SYTL3: variants seen among roughly 807,000 people sequenced by gnomAD.
SYTL3 encodes synaptotagmin like 3, also known as synaptotagmin-like protein 3.
SYTL3 carries 88 observed loss-of-function variants against 82.1 expected under a neutral mutation model. That is an observed-to-expected ratio of 1.07 (90% CI 0.90 to 1.28). The LOEUF (loss-of-function observed/expected upper bound fraction) is 1.28. Among genes scored for constraint, SYTL3 ranks in the 50% most tolerant of loss-of-function variants. SYTL3 has a pLI of 0.00. For synonymous variants in SYTL3, 311 were observed against 289.4 expected (o/e 1.07, Z -0.76); for missense variants, 831 against 757.6 (o/e 1.10, Z -1.14).
At chr6:158,728,558 T>C (rs1316489340) in intron 11 of SYTL3, among the ~76,000 whole-genome samples, 1 of 152,258 alleles carries the variant, frequency 6.6e-6, no homozygotes, top group Non-Finnish European at 1.5e-5. Context: ...ATTTGGTTCT[T>C]CTTTTTCAAG....
At chr6:158,716,484 T>A (rs1327302443) in intron 9 of SYTL3, among the ~76,000 whole-genome samples, 2 of 152,134 alleles carry the variant, frequency 1.3e-5, no homozygotes, top group East Asian at 1.9e-4. Flanking sequence ...CTTTACTTTG[T>A]CCACTTTGAG....
At chr6:158,705,214 CT>C (rs1198508360) in intron 6 of SYTL3, among the ~76,000 whole-genome samples, 3 of 27,040 alleles carry the variant, frequency 1.1e-4, no homozygotes, top group African/African-American at 4.9e-4. Context: ...CAGGAGGGAC[CT>C]GGGGACAGGG....
Position 158,764,551 on chromosome 6 carries a change from A to G in SYTL3, c.1780A>G (p.Lys594Glu), listed in dbSNP as rs1790544148. 3 of 1,614,140 alleles carry G rather than the reference A, an allele frequency of 1.9e-6. No individual in the cohort carries two copies. Among genetic ancestry groups the G allele is most frequent in the South Asian group, 1.1e-5 (1 of 91,076 alleles). Residue 594 changes from lysine to glutamate, a missense_variant, in exon 18 of 18, where the codon AAA (lysine) becomes GAA (glutamate). By Grantham distance (56) the Lys-to-Glu change is moderately conservative (BLOSUM62 1). Coordinates refer to ENST00000611299, the MANE Select transcript of SYTL3 (RefSeq NM_001242394.2). ...CTCACTATCGAAGCTCCAGTGGCAG[A>G]AAGTCCTTTCCAGCCCCAATCTATG... ...ACSLSKLQWQ[K>E]VLSSPNLWTD...
At chr6:158,763,827 C>A (rs1790346161) in intron 17 of SYTL3, among the ~76,000 whole-genome samples, 1 of 152,214 alleles carries the variant, frequency 6.6e-6, no homozygotes, top group Non-Finnish European at 1.5e-5. Flanking sequence ...AAAATATCTT[C>A]TTAAACAAAT....
At chr6:158,730,029 AT>A (rs2128488240) in intron 11 of SYTL3, among the ~76,000 whole-genome samples, 1 of 152,322 alleles carries the variant, frequency 6.6e-6, no homozygotes, top group East Asian at 1.9e-4. Context: ...GAATAAGTAC[AT>A]TCTGTGTCCT....
At chr6:158,753,550 G>A (rs943319757) in intron 13 of SYTL3, among the ~76,000 whole-genome samples, 1 of 147,962 alleles carries the variant, frequency 6.8e-6, no homozygotes, top group Non-Finnish European at 1.5e-5. Context: ...CTAACATGGT[G>A]AAACCCCGTC....
At position 158,693,844 on chromosome 6, in the gene SYTL3, C is replaced by CTTTTACTTTTT. The variant is rs763990639; in HGVS notation, c.394+10859_394+10860insACTTTTTTTTT. ...AGGTGTGCCACTGCATCCAGCCTTTCTTTTTCTTTTCTTTTTTTTTTTTTT... is the reference window on the plus strand; with the variant it reads ...AGGTGTGCCACTGCATCCAGCCTTTCTTTTACTTTTTTTTTTCTTTTCTTTTTTTTTTTTTT... On this transcript the variant is annotated intron_variant, in intron 6 of 17. Transcript: ENST00000611299. Among the ~76,000 whole-genome samples the CTTTTACTTTTT allele has an allele frequency of 4.7e-3, 262 of 55,550 alleles. 9 individuals carry two copies. The highest frequency in any genetic ancestry group is 9.2e-3 in the South Asian group (16 of 1,740). 36.4% of individuals were successfully genotyped at this position (55,550 alleles called of 152,430 possible).
intron 16 of SYTL3, 58 bp downstream of exon 16, chr6:158,762,236 C>A: frequency 8.1e-7 from 1 of 1,240,634 alleles, no homozygotes; most frequent in Non-Finnish European, 1.2e-6. Context: ...CACAACATGG[C>A]CCAGAACCTG....
chr6:158,723,639 C>T (rs1784387610), intron 10 of SYTL3, among the ~76,000 whole-genome samples: 1 of 152,230 alleles, frequency 6.6e-6, no homozygotes, highest in Admixed American at 6.5e-5. Context: ...CCATCCATCT[C>T]CAGGACTTTC....
chr6:158,676,652 C>A (rs1231219882), intron 5 of SYTL3, among the ~76,000 whole-genome samples: 1 of 152,170 alleles, frequency 6.6e-6, no homozygotes, highest in Non-Finnish European at 1.5e-5. Flanking sequence ...TTGCAACCTA[C>A]TCATCTGACA....
chr6:158,714,036 C>G (rs1257530800), intron 9 of SYTL3, among the ~76,000 whole-genome samples, 158 bp downstream of exon 9: 2 of 152,206 alleles, frequency 1.3e-5, no homozygotes, highest in East Asian at 3.9e-4. Flanking sequence ...CCCTTCATCT[C>G]TTTCCCAACA....
intron 5 of SYTL3, among the ~76,000 whole-genome samples, chr6:158,671,165 A>G (rs1322373134): frequency 1.3e-5 from 2 of 152,114 alleles, no homozygotes; most frequent in African/African-American, 4.8e-5. Flanking sequence ...ATGTTTTGAC[A>G]ATAGTGTGTG....
chr6:158,699,633 C>CT (rs974738353), intron 6 of SYTL3, among the ~76,000 whole-genome samples: 1 of 151,946 alleles, frequency 6.6e-6, no homozygotes, highest in Non-Finnish European at 1.5e-5. Context: ...CTCACTTATT[C>CT]TTTTTTTATT....
chr6:158,764,657 G>A lies in SYTL3; in HGVS notation c.*53G>A, dbSNP rs764286533. 2.2e-5 allele frequency: 29 copies of A among 1,334,886 alleles called. 1 individual carries two copies. The highest frequency in any genetic ancestry group is 5.8e-5 in the African/African-American group (4 of 69,512). 82.7% of individuals were successfully genotyped at this position (1,334,886 alleles called of 1,614,324 possible). On this transcript the variant is annotated 3_prime_UTR_variant, in exon 18 of 18. Transcript: ENST00000611299. ...AGCAGGCGTGAGGCACTGTGCGTCT[G>A]CAGAGGGGCTACGAACCAGGTGCAG...
intron 5 of SYTL3, among the ~76,000 whole-genome samples, chr6:158,672,714 C>T (rs1221777210): frequency 6.6e-6 from 1 of 151,988 alleles, no homozygotes; most frequent in East Asian, 1.9e-4. Context: ...TCACTGCAAC[C>T]TCCGCCTCCT....
chr6:158,645,119 G>A (rs1345965766), upstream of SYTL3, among the ~76,000 whole-genome samples: 1 of 152,222 alleles, frequency 6.6e-6, no homozygotes, highest in African/African-American at 2.4e-5. Flanking sequence ...AAACTCGAAA[G>A]TGACTGCTGA....
intron 12 of SYTL3, among the ~76,000 whole-genome samples, chr6:158,750,660 G>A (rs1788276488): frequency 1.3e-5 from 2 of 152,064 alleles, no homozygotes; most frequent in Admixed American, 1.3e-4. Context: ...TGGGACTACA[G>A]GTGCACACCA....
At chr6:158,750,550 G>C (rs1788263218) in intron 12 of SYTL3, among the ~76,000 whole-genome samples, 1 of 152,176 alleles carries the variant, frequency 6.6e-6, no homozygotes, top group South Asian at 2.1e-4. Flanking sequence ...ACAGAGTCTT[G>C]CTTTGCCGTC....
chr6:158,674,032 C>G (rs60546453), intron 5 of SYTL3, among the ~76,000 whole-genome samples: 1 of 149,468 alleles, frequency 6.7e-6, no homozygotes, highest in African/African-American at 2.5e-5. Flanking sequence ...TGCAATGAGC[C>G]GAGATCGCAC....
Sources: gnomAD v4.1 joint callset for allele counts (sites outside exome capture counted in the v4.1 genomes callset) on GRCh38, gnomAD v4.1.1 for gene constraint, MANE v1.5 for transcripts, NCBI Gene and HGNC (gene_info 2026-07-23, HGNC 2026-07-21) for gene names.